ELMOD3: variants seen among roughly 807,000 people sequenced by gnomAD.
ELMOD3 encodes ELMO domain containing 3.
In ELMOD3, 36 loss-of-function variants were observed where a neutral mutation model predicts 47.4. The ratio of observed to expected loss-of-function variants is 0.76; its 90% CI spans 0.58 to 1.00. The LOEUF (loss-of-function observed/expected upper bound fraction) is 1.00. Among genes scored for constraint, ELMOD3 ranks in the 50% least tolerant of loss-of-function variants. ELMOD3 has a pLI of 0.00. For synonymous variants in ELMOD3, 149 were observed against 183.5 expected (o/e 0.81, Z 1.52); for missense variants, 404 against 463.8 (o/e 0.87, Z 1.18).
intron 11 of ELMOD3, 92 bp downstream of exon 11, chr2:85,377,566 C>A: frequency 7.3e-7 from 1 of 1,363,170 alleles, no homozygotes; most frequent in Non-Finnish European, 9.9e-7. Context: ...CTGAGATAAA[C>A]CAGGAATGGG....
intron 11 of ELMOD3, chr2:85,386,970 C>T (rs1219749029): frequency 3.5e-6 from 4 of 1,154,640 alleles, no homozygotes; most frequent in Non-Finnish European, 4.5e-6. Flanking sequence ...CCATTGCACT[C>T]CAGCCTGAGC....
intron 6 of ELMOD3, among the ~76,000 whole-genome samples, chr2:85,365,576 GTATT>G (rs749509669): frequency 6.6e-6 from 1 of 152,182 alleles, no homozygotes; most frequent in African/African-American, 2.4e-5. Context: ...GGGGAAAACA[GTATT>G]TATGTCACAC....
At chr2:85,358,275 T>C (rs1324169973) in intron 4 of ELMOD3, among the ~76,000 whole-genome samples, 2 of 132,878 alleles carry the variant, frequency 1.5e-5, no homozygotes, top group African/African-American at 2.9e-5. Context: ...TGAGACTCTG[T>C]CTCCAAAAAA....
At chr2:85,385,111 G>A (rs934264755) in intron 11 of ELMOD3, among the ~76,000 whole-genome samples, 2 of 152,182 alleles carry the variant, frequency 1.3e-5, no homozygotes, top group Non-Finnish European at 2.9e-5. Context: ...AAACCTTGGA[G>A]GTGGGAATGT....
intron 4 of ELMOD3, among the ~76,000 whole-genome samples, chr2:85,359,053 A>G (rs983669718): frequency 6.6e-6 from 1 of 152,236 alleles, no homozygotes; most frequent in Admixed American, 6.5e-5. Flanking sequence ...CTTTATGGCC[A>G]TATAGTATCT....
chr2:85,362,391 G>A lies in ELMOD3; in HGVS notation c.129+131G>A, dbSNP rs1186505430. 1.5e-5 allele frequency: 10 copies of A among 656,300 alleles called. No homozygotes were observed. The East Asian group carries it at 2.4e-4, about 16-fold the overall frequency. The allele number at this position is 656,300 out of a possible 1,614,324, so 40.7% of individuals were successfully genotyped here. ...CCTTAGCTTCCAAGAGCTCACACTTGAGGGGAGTGAGGGGAGGGTGTATGG... is the reference window on the plus strand; with the variant it reads ...CCTTAGCTTCCAAGAGCTCACACTTAAGGGGAGTGAGGGGAGGGTGTATGG... On this transcript the variant is annotated intron_variant, in intron 5 of 13. Coordinates refer to ENST00000409013, the MANE Select transcript of ELMOD3 (RefSeq NM_001135022.2).
chr2:85,364,453 G>A (rs1009362946), intron 6 of ELMOD3, among the ~76,000 whole-genome samples: 1 of 151,844 alleles, frequency 6.6e-6, no homozygotes, highest in Non-Finnish European at 1.5e-5. Flanking sequence ...GCATGGTGGT[G>A]CACGCCTGTA....
intron 11 of ELMOD3, chr2:85,386,953 G>T (rs962023063): frequency 2.0e-6 from 2 of 1,002,470 alleles, no homozygotes; most frequent in South Asian, 3.6e-5. Context: ...TGGGAGCCGA[G>T]ATCGTGCCAT....
Position 85,362,246 on chromosome 2 carries a change from T to G in ELMOD3, c.115T>G (p.Phe39Val). 6.3e-7 allele frequency: 1 copy of G among 1,594,770 alleles called. No individual in the cohort carries two copies. Among genetic ancestry groups the G allele is most frequent in the Non-Finnish European group, 8.6e-7 (1 of 1,162,292 alleles). Residue 39 changes from phenylalanine to valine, a missense_variant, in exon 5 of 14, where the codon TTC becomes GTC. By Grantham distance (50) the Phe-to-Val change is conservative (BLOSUM62 -1). Coordinates refer to ENST00000409013, the MANE Select transcript of ELMOD3 (RefSeq NM_001135022.2). Reference sequence around the variant, plus strand: ...TGACAAGGACAAGAGTGTTCTGGCTTTCAGAGGAATCCCTGTATGTATCAC... The same window carrying G: ...TGACAAGGACAAGAGTGTTCTGGCTGTCAGAGGAATCCCTGTATGTATCAC... ...SYDKDKSVLA[F>V]RGIPISELKN...
At chr2:85,384,741 A>C (rs1685815511) in intron 11 of ELMOD3, among the ~76,000 whole-genome samples, 1 of 152,080 alleles carries the variant, frequency 6.6e-6, no homozygotes, top group African/African-American at 2.4e-5. Flanking sequence ...TACCATGCCC[A>C]GCTAATTTTA....
At chr2:85,365,010 A>G (rs1684275125) in intron 6 of ELMOD3, among the ~76,000 whole-genome samples, 1 of 149,056 alleles carries the variant, frequency 6.7e-6, no homozygotes, top group South Asian at 2.1e-4. Context: ...CGGTCTCATT[A>G]TGTTGCCCAG....
At chr2:85,371,412 CAGAG>C (rs1439345875) in intron 9 of ELMOD3, 24 bp from the exon 10 acceptor site, 2 of 1,613,400 alleles carry the variant, frequency 1.2e-6, no homozygotes, top group East Asian at 4.5e-5. Flanking sequence ...GGCAATCTGG[CAGAG>C]AGTGTGGGTG....
At chr2:85,390,315 G>A (rs771747093) in intron 13 of ELMOD3, 50 bp downstream of exon 13, 5 of 1,613,974 alleles carry the variant, frequency 3.1e-6, no homozygotes, top group South Asian at 1.1e-5. Context: ...AGTGTCCCAG[G>A]TCCAGAGAGC....
intron 4 of ELMOD3, among the ~76,000 whole-genome samples, chr2:85,359,055 AT>A (rs1683760196): frequency 6.6e-6 from 1 of 152,232 alleles, no homozygotes; most frequent in South Asian, 2.1e-4. Context: ...TTATGGCCAT[AT>A]AGTATCTCAC....
chr2:85,387,157 C>T lies in ELMOD3; in HGVS notation c.739-2594C>T, dbSNP rs72936678. On this transcript the variant is annotated intron_variant, in intron 11 of 13. Transcript: ENST00000409013. ...CAAGTATATATGATCATTAAATAGGCAATACCTGAAGGTACAGAGGTATAC... is the reference window on the plus strand; with the variant it reads ...CAAGTATATATGATCATTAAATAGGTAATACCTGAAGGTACAGAGGTATAC... The T allele has an allele frequency of 3.1e-3, 4,036 of 1,294,626 alleles. 106 individuals carry two copies. The African/African-American group carries it at 0.056, about 18-fold the overall frequency. 80.2% of individuals were successfully genotyped at this position (1,294,626 alleles called of 1,614,324 possible). A position where few individuals can be genotyped will look rare whatever the true frequency, so the allele number is the denominator to read the frequency against.
intron 11 of ELMOD3, among the ~76,000 whole-genome samples, chr2:85,385,842 G>A (rs1394648710): frequency 6.6e-6 from 1 of 152,120 alleles, no homozygotes; most frequent in Non-Finnish European, 1.5e-5. Flanking sequence ...GGCTTTTGTA[G>A]TAAATTAGAG....
At chr2:85,358,398 T>C (rs1213374411) in intron 4 of ELMOD3, among the ~76,000 whole-genome samples, 1 of 152,114 alleles carries the variant, frequency 6.6e-6, no homozygotes, top group African/African-American at 2.4e-5. Context: ...TGAGACAGCA[T>C]TGTAGCCCCA....
chr2:85,359,556 C>A (rs1275773558), intron 4 of ELMOD3, among the ~76,000 whole-genome samples: 2 of 151,772 alleles, frequency 1.3e-5, no homozygotes, highest in Non-Finnish European at 2.9e-5. Flanking sequence ...CACAGGTGTG[C>A]ACCACCACGC....
At chr2:85,375,610 A>C (rs1441160288) in intron 10 of ELMOD3, among the ~76,000 whole-genome samples, 4 of 152,140 alleles carry the variant, frequency 2.6e-5, no homozygotes, top group African/African-American at 9.7e-5. Flanking sequence ...ATTTGTTCAT[A>C]ATTGCTTACC....
Sources: allele counts gnomAD v4.1 joint callset (sites outside exome capture counted in the v4.1 genomes callset), GRCh38; gene constraint gnomAD v4.1.1; transcripts MANE v1.5; gene names NCBI Gene and HGNC (gene_info 2026-07-23, HGNC 2026-07-21).